DYNC1I1: variants seen among roughly 807,000 people sequenced by gnomAD.
DYNC1I1 encodes the protein cytoplasmic dynein 1 intermediate chain 1.
In DYNC1I1, 43 loss-of-function variants were observed where a neutral mutation model predicts 86.6. The observed-to-expected ratio is 0.50, with a 90% CI of 0.39 to 0.64. The LOEUF is 0.64. DYNC1I1 is among the 30% of genes least tolerant of loss of function. The probability of loss-of-function intolerance (pLI) is 0.00; values close to 1 mark genes in which losing one functional copy is unlikely to be tolerated. For missense variants in DYNC1I1, 604 were observed against 788.8 expected (o/e 0.77, Z 2.81); for synonymous variants, 262 against 283.7 (o/e 0.92, Z 0.77).
At chr7:95,883,505 C>A (rs1301605663) in intron 6 of DYNC1I1, among the ~76,000 whole-genome samples, 10 of 151,990 alleles carry the variant, frequency 6.6e-5, no homozygotes, top group Admixed American at 6.6e-4. Context: ...CATAGTAGCC[C>A]CGAGGTAGTT....
chr7:95,866,838 A>C (rs1414296603), intron 5 of DYNC1I1, among the ~76,000 whole-genome samples: 1 of 152,228 alleles, frequency 6.6e-6, no homozygotes, highest in African/African-American at 2.4e-5. Context: ...TCAGTGTGTC[A>C]GATGATCAGT....
intron 5 of DYNC1I1, among the ~76,000 whole-genome samples, chr7:95,837,394 G>C (rs1342246324): frequency 6.6e-6 from 1 of 152,168 alleles, no homozygotes; most frequent in Non-Finnish European, 1.5e-5. Context: ...GGACATTTAA[G>C]TCTGCAGAGG....
intron 6 of DYNC1I1, among the ~76,000 whole-genome samples, chr7:95,951,945 C>T (rs920074056): frequency 2.0e-5 from 3 of 152,098 alleles, no homozygotes; most frequent in Admixed American, 6.6e-5. Flanking sequence ...TAATCTCTAT[C>T]GGAATCATGT....
At chr7:95,945,261 C>T (rs1053226280) in intron 6 of DYNC1I1, among the ~76,000 whole-genome samples, 1 of 151,732 alleles carries the variant, frequency 6.6e-6, no homozygotes, top group Non-Finnish European at 1.5e-5. Flanking sequence ...ATAATAAAAA[C>T]TAATGTTTAT....
chr7:96,089,167 A>T (rs1790767134), intron 16 of DYNC1I1, among the ~76,000 whole-genome samples: 1 of 143,632 alleles, frequency 7.0e-6, no homozygotes, highest in African/African-American at 2.7e-5. Flanking sequence ...AAAAAAAAAA[A>T]AGTTACCCTT....
chr7:95,791,991 A>G (rs1308377286), intron 1 of DYNC1I1, among the ~76,000 whole-genome samples: 2 of 152,194 alleles, frequency 1.3e-5, no homozygotes, highest in Non-Finnish European at 2.9e-5. Context: ...CAATTTATTG[A>G]TGATTGGAAA....
intron 5 of DYNC1I1, among the ~76,000 whole-genome samples, chr7:95,844,272 G>C (rs541300045): frequency 6.6e-6 from 1 of 152,268 alleles, no homozygotes; most frequent in South Asian, 2.1e-4. Flanking sequence ...TCAAACTCTT[G>C]ATAGAGTTTT....
chr7:95,807,593 T>A (rs940424), intron 2 of DYNC1I1, among the ~76,000 whole-genome samples: 53,626 of 151,950 alleles, frequency 0.35, 10,873 homozygotes, highest in African/African-American at 0.53. Context: ...TTCTTTCTTG[T>A]CAGAGAGCTT....
chr7:95,823,081 T>G (rs1009442555), intron 4 of DYNC1I1, among the ~76,000 whole-genome samples: 8 of 152,314 alleles, frequency 5.3e-5, no homozygotes, highest in African/African-American at 1.9e-4. Context: ...TAGGCTTATA[T>G]ATTTGTCTGC....
intron 14 of DYNC1I1, among the ~76,000 whole-genome samples, chr7:96,065,922 A>G (rs1246509840): frequency 6.6e-6 from 1 of 152,234 alleles, no homozygotes; most frequent in East Asian, 1.9e-4. Flanking sequence ...TGACTGCACT[A>G]GAAAAGCTGA....
chr7:95,899,630 AC>A (rs1167496012), intron 6 of DYNC1I1, among the ~76,000 whole-genome samples: 2 of 151,992 alleles, frequency 1.3e-5, no homozygotes, highest in East Asian at 3.9e-4. Flanking sequence ...AGAGTGAACC[AC>A]TCCTTCAGGC....
At chr7:95,777,138 G>C (rs893957555) in intron 1 of DYNC1I1, among the ~76,000 whole-genome samples, 1 of 152,108 alleles carries the variant, frequency 6.6e-6, no homozygotes, top group Non-Finnish European at 1.5e-5. Flanking sequence ...CAAGAAATAT[G>C]TTCACACACT....
intron 6 of DYNC1I1, among the ~76,000 whole-genome samples, chr7:95,930,488 T>C (rs538936566): frequency 5.4e-4 from 83 of 152,332 alleles, no homozygotes; most frequent in Non-Finnish European, 9.1e-4. Context: ...GCAGAAATGC[T>C]TTTTCCTCCC....
intron 6 of DYNC1I1, among the ~76,000 whole-genome samples, chr7:95,936,462 A>G (rs1168526194): frequency 6.6e-6 from 1 of 151,990 alleles, no homozygotes; most frequent in Non-Finnish European, 1.5e-5. Flanking sequence ...AGAAACCACC[A>G]CAGAATGGCT....
intron 16 of DYNC1I1, among the ~76,000 whole-genome samples, chr7:96,083,164 G>A (rs1203066049): frequency 5.9e-5 from 9 of 152,210 alleles, no homozygotes; most frequent in South Asian, 2.1e-4. Context: ...CTGAATGACC[G>A]AAAATCAGGA....
intron 11 of DYNC1I1, among the ~76,000 whole-genome samples, chr7:96,029,826 G>A (rs765493848): frequency 4.0e-5 from 6 of 151,438 alleles, no homozygotes; most frequent in Non-Finnish European, 5.9e-5. Flanking sequence ...CATAAGAATC[G>A]CTTGAAACCA....
At chr7:95,968,099 T>C (rs1562958677) in intron 6 of DYNC1I1, among the ~76,000 whole-genome samples, 1 of 151,858 alleles carries the variant, frequency 6.6e-6, no homozygotes. Flanking sequence ...TCAGACAGTG[T>C]TGTTTGTAGC....
At chr7:95,911,567 A>G (rs532852712) in intron 6 of DYNC1I1, among the ~76,000 whole-genome samples, 55 of 152,350 alleles carry the variant, frequency 3.6e-4, no homozygotes, top group African/African-American at 1.2e-3. Context: ...CAGAGGCCCA[A>G]GCTTACATTT....
chr7:95,865,317 A>G (rs1433418432), intron 5 of DYNC1I1, among the ~76,000 whole-genome samples: 1 of 152,232 alleles, frequency 6.6e-6, no homozygotes, highest in Non-Finnish European at 1.5e-5. Flanking sequence ...AGGTGAAAAT[A>G]CACCACATGA....
Sources: allele counts gnomAD v4.1 joint callset (sites outside exome capture counted in the v4.1 genomes callset), GRCh38; gene constraint gnomAD v4.1.1; transcripts MANE v1.5; gene names NCBI Gene and HGNC (gene_info 2026-07-23, HGNC 2026-07-21).